Variants in ALB observed in about 807,000 individuals in gnomAD.
The protein encoded by ALB is albumin, also known as serum albumin.
Under a neutral mutation model 74.5 loss-of-function variants are expected in ALB, and 37 were observed. The ratio of observed to expected loss-of-function variants is 0.50; its 90% CI spans 0.38 to 0.65. The LOEUF is 0.65. Among genes scored for constraint, ALB ranks in the 30% least tolerant of loss-of-function variants. ALB has a pLI of 0.00. For missense variants in ALB, 685 were observed against 718.7 expected (o/e 0.95, Z 0.54); for synonymous variants, 249 against 251.6 (o/e 0.99, Z 0.10).
At chr4:73,410,528 T>C in intron 6 of ALB, 119 bp downstream of exon 6, 1 of 747,214 alleles carries the variant, frequency 1.3e-6, no homozygotes, top group Admixed American at 2.0e-5. Context: ...TCTTTGGTTG[T>C]CTAACAGGTA....
intron 3 of ALB, among the ~76,000 whole-genome samples, 172 bp downstream of exon 3, chr4:73,406,933 C>A (rs550326970): frequency 6.6e-6 from 1 of 152,116 alleles, no homozygotes; most frequent in Non-Finnish European, 1.5e-5. Context: ...GATAGAGATG[C>A]TTTAGCTATG....
chr4:73,418,278 T>A lies in ALB; in HGVS notation c.1619T>A (p.Leu540His). 1 of 1,614,048 alleles carries A rather than the reference T, an allele frequency of 6.2e-7. No homozygotes were observed. The highest frequency in any genetic ancestry group is 1.3e-5 in the African/African-American group (1 of 75,048). ...ACCTTCCATGCAGATATATGCACACTTTCTGAGAAGGAGAGACAAATCAAG... is the reference window on the plus strand; with the variant it reads ...ACCTTCCATGCAGATATATGCACACATTCTGAGAAGGAGAGACAAATCAAG... ...TFTFHADICTLSEKERQIKKQ... is the reference protein window; with the variant it reads ...TFTFHADICTHSEKERQIKKQ... The change falls in exon 12 of 15, where the codon CTT (leucine) becomes CAT (histidine). Residue 540 changes from leucine (L) to histidine (H), a missense_variant. Coordinates refer to ENST00000295897, the MANE Select transcript of ALB (RefSeq NM_000477.7).
intron 9 of ALB, among the ~76,000 whole-genome samples, chr4:73,416,046 C>T (rs1477267285): frequency 3.9e-5 from 6 of 152,058 alleles, no homozygotes; most frequent in Non-Finnish European, 7.4e-5. Flanking sequence ...CATTGAACTC[C>T]AGAGCCTGAA....
intron 3 of ALB, among the ~76,000 whole-genome samples, chr4:73,407,689 C>T (rs1322485785): frequency 2.0e-5 from 3 of 152,022 alleles, no homozygotes; most frequent in African/African-American, 4.8e-5. Context: ...CTATATATTC[C>T]TCATTTTAGA....
chr4:73,411,868 C>G lies in ALB; in HGVS notation c.714-128C>G. 5.9e-6 allele frequency: 7 copies of G among 1,196,046 alleles called. No individual in the cohort carries two copies. In the East Asian group the frequency reaches 1.5e-4, roughly 26 times the overall value. The allele number at this position is 1,196,046 out of a possible 1,614,324, so 74.1% of individuals were successfully genotyped here. ...ATTACCATTTGGTTCAGAACTAGAA[C>G]TAATGAATTTTAAAAATTATTTCTG... On this transcript the variant is annotated intron_variant, in intron 6 of 14. Transcript: ENST00000295897.
chr4:73,415,432 C>A (rs1424803023), intron 9 of ALB: 96 of 340,466 alleles, frequency 2.8e-4, no homozygotes, highest in Middle Eastern at 1.7e-3. Flanking sequence ...ATCCTGAGAA[C>A]AAAAAAAAAT....
chr4:73,414,864 G>A (rs1030109119), intron 8 of ALB, among the ~76,000 whole-genome samples, 171 bp from the exon 9 acceptor site: 1 of 152,248 alleles, frequency 6.6e-6, no homozygotes, highest in Non-Finnish European at 1.5e-5. Context: ...GCTAGGAATT[G>A]AGCCTTGGTA....
rs770341325 is a variant in ALB, at chr4:73,416,375, A to C, written c.1289+22A>C. 54 of 1,521,156 alleles carry C rather than the reference A, an allele frequency of 3.5e-5. No individual in the cohort carries two copies. In the South Asian group the frequency reaches 5.9e-4, roughly 17 times the overall value. The allele number at this position is 1,521,156 out of a possible 1,614,324, so 94.2% of individuals were successfully genotyped here. ...ATGCGTAAGTAATTTTTATTGACTG[A>C]TTTTTTTTATCAATTTGTAATTATT... On this transcript the variant is annotated intron_variant, in intron 10 of 14. Transcript: ENST00000295897.
intron 9 of ALB, 28 bp from the exon 10 acceptor site, chr4:73,416,228 C>T: frequency 6.3e-7 from 1 of 1,579,718 alleles, no homozygotes; most frequent in Non-Finnish European, 8.7e-7. Flanking sequence ...AGGCATAATA[C>T]TATTAACACA....
intron 2 of ALB, among the ~76,000 whole-genome samples, 200 bp from the exon 3 acceptor site, chr4:73,406,429 A>T (rs1001030097): frequency 1.3e-5 from 2 of 152,186 alleles, no homozygotes; most frequent in Non-Finnish European, 2.9e-5. Flanking sequence ...TTAGGGAACT[A>T]CCATTCTCTT....
chr4:73,410,651 A>G (rs1417898771), intron 6 of ALB, among the ~76,000 whole-genome samples: 2 of 152,126 alleles, frequency 1.3e-5, no homozygotes, highest in East Asian at 1.9e-4. Flanking sequence ...TTTGTCCTAA[A>G]AAAAGGGACA....
intron 2 of ALB, 47 bp from the exon 3 acceptor site, chr4:73,406,582 A>G (rs1208863216): frequency 4.4e-6 from 7 of 1,594,350 alleles, no homozygotes; most frequent in Admixed American, 3.3e-5. Flanking sequence ...AACCTGTTAC[A>G]TATTAAAGTT....
chr4:73,405,389 A>G (rs1718694536), intron 2 of ALB, among the ~76,000 whole-genome samples: 1 of 152,212 alleles, frequency 6.6e-6, no homozygotes, highest in South Asian at 2.1e-4. Flanking sequence ...GACAAGTGCA[A>G]CTGAGAAACA....
intron 8 of ALB, 55 bp from the exon 9 acceptor site, chr4:73,414,980 A>G: frequency 6.3e-7 from 1 of 1,595,638 alleles, no homozygotes; most frequent in East Asian, 2.2e-5. Flanking sequence ...TAGCTTTGTG[A>G]TATTTTTTGT....
intron 3 of ALB, among the ~76,000 whole-genome samples, chr4:73,407,600 G>A (rs568612671): frequency 1.2e-4 from 18 of 152,188 alleles, no homozygotes; most frequent in African/African-American, 4.3e-4. Context: ...TCTTAGAGAT[G>A]ATATCATGGT....
rs1025342545 is a variant in ALB at position 73,416,320 on chromosome 4, T to C, written c.1256T>C (p.Phe419Ser). Residue 419 changes from phenylalanine (F) to serine (S), a missense_variant, in exon 10 of 15, where the codon TTT becomes TCT. Coordinates refer to ENST00000295897, the MANE Select transcript of ALB (RefSeq NM_000477.7). ...QNLIKQNCEL[F>S]EQLGEYKFQN... ...TTAATCAAACAAAATTGTGAGCTTTTTGAGCAGCTTGGAGAGTACAAATTC... is the reference window on the plus strand; with the variant it reads ...TTAATCAAACAAAATTGTGAGCTTTCTGAGCAGCTTGGAGAGTACAAATTC... 6.2e-7 allele frequency: 1 copy of C among 1,613,584 alleles called. No homozygotes were observed. Among genetic ancestry groups the C allele is most frequent in the Non-Finnish European group, 8.5e-7 (1 of 1,179,772 alleles).
rs978126680 is a variant in ALB, at chr4:73,415,116, T to C, written c.1140T>C (p.Thr380=). The change falls in exon 9 of 15, where the codon ACT becomes ACC. Residue 380 remains threonine (T), a synonymous_variant. Transcript: ENST00000295897. ...GACTTGCCAAGACATATGAAACCAC[T>C]CTAGAGAAGTGCTGTGCCGCTGCAG... The part of the protein sequence containing the change: ...LLRLAKTYET[T]LEKCCAAADP... The C allele has an allele frequency of 4.3e-6, 7 of 1,614,020 alleles. No individual in the cohort carries two copies. Among genetic ancestry groups the C allele is most frequent in the Non-Finnish European group, 5.1e-6 (6 of 1,180,040 alleles).
chr4:73,407,543 T>C (rs2149327220), intron 3 of ALB, among the ~76,000 whole-genome samples: 1 of 152,324 alleles, frequency 6.6e-6, no homozygotes, highest in South Asian at 2.1e-4. Context: ...TTTCTACATC[T>C]TGACTATCAT....
chr4:73,419,661 T>A (rs1342865738), intron 13 of ALB, 22 bp downstream of exon 13: 1 of 1,613,392 alleles, frequency 6.2e-7, no homozygotes, highest in Admixed American at 1.7e-5. Context: ...CTCTTCATTT[T>A]AATATGTCCA....
Sources: gnomAD v4.1 joint callset for allele counts (sites outside exome capture counted in the v4.1 genomes callset) on GRCh38, gnomAD v4.1.1 for gene constraint, MANE v1.5 for transcripts, NCBI Gene and HGNC (gene_info 2026-07-23, HGNC 2026-07-21) for gene names.